Variants in SCHIP1 observed in about 807,000 individuals in gnomAD.
SCHIP1 encodes the protein schwannomin interacting protein 1.
SCHIP1 carries 8 observed loss-of-function variants against 29.7 expected under a neutral mutation model. The observed-to-expected ratio is 0.27, with a 90% CI of 0.16 to 0.49. The LOEUF (loss-of-function observed/expected upper bound fraction) is 0.49, where lower values mean the gene tolerates loss of function less well. SCHIP1 is among the 20% of genes least tolerant of loss of function. The pLI is 0.99. For missense variants in SCHIP1, 193 were observed against 294.6 expected (o/e 0.66, Z 2.52); for synonymous variants, 76 against 94.9 (o/e 0.80, Z 1.16).
chr3:159,668,376 C>CAA, the SCHIP1 span, among the ~76,000 whole-genome samples: 852 of 46,100 alleles, frequency 0.018, 65 homozygotes, highest in African/African-American at 0.074. Flanking sequence ...GACTCCGTCT[C>CAA]AAAAAAAAAA....
the SCHIP1 span, chr3:159,273,253 T>G: frequency 2.0e-6 from 2 of 985,538 alleles, no homozygotes; most frequent in Admixed American, 1.2e-4. Context: ...CAGAAAGAGA[T>G]AATCTGTGAA....
the SCHIP1 span, among the ~76,000 whole-genome samples, chr3:159,674,623 A>AG: frequency 3.4e-5 from 5 of 147,886 alleles, no homozygotes; most frequent in African/African-American, 1.3e-4. Flanking sequence ...AAAAAAAAAA[A>AG]GCTGGGAAAA....
the SCHIP1 span, among the ~76,000 whole-genome samples, chr3:159,559,657 T>A: frequency 1.3e-5 from 2 of 152,210 alleles, no homozygotes; most frequent in East Asian, 3.8e-4. Context: ...CTAACTCCTA[T>A]TAAAATACAG....
At chr3:159,633,307 C>T in the SCHIP1 span, among the ~76,000 whole-genome samples, 1 of 151,998 alleles carries the variant, frequency 6.6e-6, no homozygotes, top group Non-Finnish European at 1.5e-5. Flanking sequence ...AACAGAAAAG[C>T]CAGAGGGTGA....
At chr3:159,443,534 G>T in the SCHIP1 span, among the ~76,000 whole-genome samples, 1 of 151,930 alleles carries the variant, frequency 6.6e-6, no homozygotes, top group African/African-American at 2.4e-5. Flanking sequence ...TTTTGAGACG[G>T]AGTCTTGCTC....
At chr3:159,773,740 A>C in the SCHIP1 span, among the ~76,000 whole-genome samples, 15 of 152,164 alleles carry the variant, frequency 9.9e-5, no homozygotes, top group African/African-American at 3.6e-4. Context: ...TCAGCTCATC[A>C]CTGTGTATAT....
At chr3:159,856,128 T>C (rs911867989) in intron 1 of SCHIP1, among the ~76,000 whole-genome samples, 3 of 152,186 alleles carry the variant, frequency 2.0e-5, no homozygotes, top group Non-Finnish European at 4.4e-5. Context: ...GATCCCCTGA[T>C]AAAGAACCAC....
chr3:159,477,327 TATG>T, the SCHIP1 span, among the ~76,000 whole-genome samples: 2 of 152,148 alleles, frequency 1.3e-5, no homozygotes, highest in Non-Finnish European at 2.9e-5. Context: ...TGCTGAATCA[TATG>T]ATATTTTTAA....
At chr3:159,375,315 C>T in the SCHIP1 span, among the ~76,000 whole-genome samples, 1 of 152,186 alleles carries the variant, frequency 6.6e-6, no homozygotes, top group Non-Finnish European at 1.5e-5. Flanking sequence ...AGAGGTGATG[C>T]CTGGGCTGAA....
chr3:159,516,175 A>G, the SCHIP1 span, among the ~76,000 whole-genome samples: 1 of 151,874 alleles, frequency 6.6e-6, no homozygotes, highest in Admixed American at 6.6e-5. Context: ...GGCTTCATTT[A>G]TTTCTTATAA....
the SCHIP1 span, among the ~76,000 whole-genome samples, chr3:159,637,370 G>GA: frequency 8.7e-5 from 6 of 69,334 alleles, no homozygotes; most frequent in South Asian, 5.3e-4. Context: ...CCCGGCCCCA[G>GA]CCACACACAC....
the SCHIP1 span, among the ~76,000 whole-genome samples, chr3:159,389,685 C>T: frequency 2.6e-5 from 4 of 151,976 alleles, no homozygotes; most frequent in Non-Finnish European, 5.9e-5. Flanking sequence ...TGTGATTACT[C>T]TTTTACCTTA....
the SCHIP1 span, among the ~76,000 whole-genome samples, chr3:159,369,550 T>C: frequency 6.6e-6 from 1 of 152,208 alleles, no homozygotes; most frequent in Non-Finnish European, 1.5e-5. Flanking sequence ...ATATTACTTA[T>C]ATGCAAAGAT....
the SCHIP1 span, among the ~76,000 whole-genome samples, chr3:159,355,629 A>G: frequency 6.6e-6 from 1 of 152,090 alleles, no homozygotes; most frequent in African/African-American, 2.4e-5. Flanking sequence ...TCTTGGAGAA[A>G]GAGTTTCTTC....
the SCHIP1 span, among the ~76,000 whole-genome samples, chr3:159,824,339 T>A: frequency 2.0e-5 from 3 of 152,180 alleles, no homozygotes; most frequent in Non-Finnish European, 4.4e-5. Context: ...AATGTGTATG[T>A]CCAAGAGGTG....
At chr3:159,439,956 T>C in the SCHIP1 span, among the ~76,000 whole-genome samples, 1 of 152,188 alleles carries the variant, frequency 6.6e-6, no homozygotes, top group African/African-American at 2.4e-5. Flanking sequence ...TTTTGGTGTC[T>C]TTGTCATGAA....
At chr3:159,289,137 G>A in the SCHIP1 span, among the ~76,000 whole-genome samples, 37 of 152,216 alleles carry the variant, frequency 2.4e-4, no homozygotes, top group Middle Eastern at 3.4e-3. Context: ...CTAAGCCACC[G>A]TCATCTCTCA....
intron 1 of SCHIP1, among the ~76,000 whole-genome samples, chr3:159,860,163 A>G (rs927064142): frequency 1.3e-5 from 2 of 152,208 alleles, no homozygotes; most frequent in Non-Finnish European, 2.9e-5. Context: ...GATGCAGCCC[A>G]TAATCCTTAG....
the SCHIP1 span, among the ~76,000 whole-genome samples, chr3:159,782,197 T>C: frequency 6.6e-6 from 1 of 152,192 alleles, no homozygotes; most frequent in Non-Finnish European, 1.5e-5. Flanking sequence ...CTGAGGGTGC[T>C]CAAGCTATGG....
Sources: gnomAD v4.1 joint callset for allele counts (sites outside exome capture counted in the v4.1 genomes callset) on GRCh38, gnomAD v4.1.1 for gene constraint, MANE v1.5 for transcripts, NCBI Gene and HGNC (gene_info 2026-07-23, HGNC 2026-07-21) for gene names.